Variants in ATG10 observed in about 807,000 individuals in gnomAD.
ATG10 encodes ubiquitin-like-conjugating enzyme ATG10.
ATG10 carries 30 observed loss-of-function variants against 32.1 expected under a neutral mutation model. That is an observed-to-expected ratio of 0.94 (90% CI 0.70 to 1.27). ATG10 has a LOEUF of 1.27. Among genes scored for constraint, ATG10 ranks in the 50% most tolerant of loss-of-function variants. ATG10 has a pLI of 0.00. For missense variants in ATG10, 233 were observed against 262.3 expected (o/e 0.89, Z 0.77); for synonymous variants, 87 against 91.5 (o/e 0.95, Z 0.28).
chr5:82,230,866 A>G (rs1469573234), intron 5 of ATG10, among the ~76,000 whole-genome samples: 1 of 151,878 alleles, frequency 6.6e-6, no homozygotes. Context: ...TATAAGGACT[A>G]TGTAAAATAT....
intron 2 of ATG10, among the ~76,000 whole-genome samples, chr5:82,032,025 G>C (rs1016048931): frequency 5.9e-5 from 9 of 152,238 alleles, no homozygotes; most frequent in Non-Finnish European, 1.3e-4. Flanking sequence ...TGGGACCAGA[G>C]TATGTAGCCA....
At chr5:81,983,451 G>A (rs1184384373) in intron 1 of ATG10, among the ~76,000 whole-genome samples, 10 of 144,912 alleles carry the variant, frequency 6.9e-5, no homozygotes, top group African/African-American at 2.3e-4. Context: ...GTGGCTGGCC[G>A]GGCGGGGGTC....
At chr5:82,073,200 T>C (rs1229429176) in intron 3 of ATG10, 1 of 152,192 alleles carries the variant, frequency 6.6e-6, no homozygotes, top group Non-Finnish European at 1.5e-5. Flanking sequence ...CACACATGCA[T>C]ACCTGAAACC....
intron 5 of ATG10, among the ~76,000 whole-genome samples, chr5:82,195,386 C>T (rs1744814417): frequency 6.6e-6 from 1 of 152,092 alleles, no homozygotes; most frequent in South Asian, 2.1e-4. Flanking sequence ...TTTTCTAAAC[C>T]AGTCAAAAGA....
intron 4 of ATG10, among the ~76,000 whole-genome samples, chr5:82,172,606 T>C (rs1743849523): frequency 6.6e-6 from 1 of 152,164 alleles, no homozygotes; most frequent in Non-Finnish European, 1.5e-5. Flanking sequence ...AAATTATTTA[T>C]TCAAGGGTAC....
At chr5:81,973,444 C>T (rs1760784541) in intron 1 of ATG10, 1 of 152,210 alleles carries the variant, frequency 6.6e-6, no homozygotes, top group African/African-American at 2.4e-5. Context: ...AACCATTTTT[C>T]TGTCTAACCT....
At chr5:82,176,171 A>G (rs981352324) in intron 4 of ATG10, among the ~76,000 whole-genome samples, 2 of 152,212 alleles carry the variant, frequency 1.3e-5, no homozygotes, top group African/African-American at 4.8e-5. Context: ...GCTTTATGGT[A>G]ATAGAAATAA....
chr5:82,058,814 C>G (rs965524652), intron 3 of ATG10, among the ~76,000 whole-genome samples: 4 of 152,060 alleles, frequency 2.6e-5, no homozygotes, highest in Non-Finnish European at 5.9e-5. Context: ...GCCATTGGAT[C>G]CTGGGCCTGT....
intron 2 of ATG10, among the ~76,000 whole-genome samples, chr5:82,041,910 G>T (rs1397496486): frequency 6.6e-6 from 1 of 151,804 alleles, no homozygotes; most frequent in Non-Finnish European, 1.5e-5. Flanking sequence ...ATATTTTTCA[G>T]TTTAGATATT....
At chr5:81,982,624 A>G (rs1452484007) in intron 1 of ATG10, among the ~76,000 whole-genome samples, 2 of 151,444 alleles carry the variant, frequency 1.3e-5, no homozygotes, top group Non-Finnish European at 2.9e-5. Context: ...GGGATTTGGC[A>G]GGGTCATAGG....
intron 3 of ATG10, among the ~76,000 whole-genome samples, chr5:82,063,333 CAAAA>C (rs1174642217): frequency 2.0e-5 from 3 of 151,714 alleles, no homozygotes; most frequent in East Asian, 3.9e-4. Flanking sequence ...AAAATAAAAA[CAAAA>C]AAACCAAAAA....
intron 2 of ATG10, among the ~76,000 whole-genome samples, chr5:82,000,476 G>C (rs1482946680): frequency 2.0e-5 from 3 of 152,104 alleles, no homozygotes; most frequent in African/African-American, 7.2e-5. Flanking sequence ...GAGCAATCAG[G>C]TAAGAAAAAG....
At chr5:82,084,454 A>G (rs1370717230) in intron 3 of ATG10, among the ~76,000 whole-genome samples, 3 of 152,248 alleles carry the variant, frequency 2.0e-5, no homozygotes, top group Non-Finnish European at 4.4e-5. Flanking sequence ...AAGGCAGGCC[A>G]ACATTCAAAT....
At chr5:82,009,712 T>C (rs1023381288) in intron 2 of ATG10, 2 of 1,589,996 alleles carry the variant, frequency 1.3e-6, no homozygotes, top group Non-Finnish European at 1.7e-6. Context: ...TTGCCACAGA[T>C]CACATGCATG....
chr5:82,164,517 A>T lies in ATG10; in HGVS notation c.335A>T (p.Tyr112Phe). Residue 112 changes from tyrosine (Y) to phenylalanine (F), a missense_variant, in exon 4 of 8, where the codon TAC becomes TTC. Coordinates refer to ENST00000282185, the MANE Select transcript of ATG10 (RefSeq NM_031482.5). ...YSCSYQVPVLYFRASFLDGRP... is the reference protein window; with the variant it reads ...YSCSYQVPVLFFRASFLDGRP... ...TGTAGCTACCAAGTGCCTGTACTTTACTTTAGGGCAAGCTTTTTAGGTAAG... is the reference window on the plus strand; with the variant it reads ...TGTAGCTACCAAGTGCCTGTACTTTTCTTTAGGGCAAGCTTTTTAGGTAAG... The T allele has an allele frequency of 2.5e-6, 4 of 1,612,550 alleles. No homozygotes were observed. Among genetic ancestry groups the T allele is most frequent in the Non-Finnish European group, 2.5e-6 (3 of 1,179,104 alleles).
chr5:82,072,887 TA>T (rs1305984049), intron 3 of ATG10, among the ~76,000 whole-genome samples: 8 of 152,172 alleles, frequency 5.3e-5, no homozygotes, highest in Non-Finnish European at 2.9e-5. Flanking sequence ...ATTAGTGATG[TA>T]AAAAATAAAC....
chr5:82,246,215 C>T (rs1167403081), intron 5 of ATG10, among the ~76,000 whole-genome samples: 2 of 151,860 alleles, frequency 1.3e-5, no homozygotes, highest in African/African-American at 2.4e-5. Context: ...GGACTACAGG[C>T]GCCTGCCACC....
intron 5 of ATG10, among the ~76,000 whole-genome samples, chr5:82,193,484 A>T (rs1443083232): frequency 6.6e-6 from 1 of 152,230 alleles, no homozygotes; most frequent in Non-Finnish European, 1.5e-5. Context: ...ACTTGTTCGT[A>T]TACAGCTAGG....
intron 5 of ATG10, among the ~76,000 whole-genome samples, chr5:82,196,761 G>T (rs1744865570): frequency 6.6e-6 from 1 of 152,214 alleles, no homozygotes; most frequent in South Asian, 2.1e-4. Flanking sequence ...CCTATCCTTT[G>T]TCAGCGTCAC....
Sources: allele counts gnomAD v4.1 joint callset (sites outside exome capture counted in the v4.1 genomes callset), GRCh38; gene constraint gnomAD v4.1.1; transcripts MANE v1.5; gene names NCBI Gene and HGNC (gene_info 2026-07-23, HGNC 2026-07-21).